Variants in CAMK1G observed in about 807,000 individuals in gnomAD.
The protein encoded by CAMK1G is calcium/calmodulin-dependent protein kinase type 1G.
Under a neutral mutation model 54.8 loss-of-function variants are expected in CAMK1G, and 27 were observed. The observed-to-expected ratio is 0.49, with a 90% CI of 0.36 to 0.68. The LOEUF (loss-of-function observed/expected upper bound fraction) is 0.68. Ranked by LOEUF, CAMK1G falls within the 30% of genes least tolerant of loss-of-function variation. The pLI is 0.00. For missense variants in CAMK1G, 512 were observed against 591.0 expected, an observed-to-expected ratio of 0.87 and a Z score of 1.39; for synonymous variants, 238 against 224.9, an observed-to-expected ratio of 1.06 and a Z score of -0.52.
rs74157986 is a variant in CAMK1G at position 209,591,696 on chromosome 1, A to C, written c.-29-3259A>C. Among the ~76,000 whole-genome samples, 894 of 152,278 alleles carry C rather than the reference A, an allele frequency of 5.9e-3. 11 individuals carry two copies. Among genetic ancestry groups the C allele is most frequent in the African/African-American group, 0.019 (775 of 41,548 alleles). On this transcript the variant is annotated intron_variant, in intron 1 of 12. Coordinates refer to ENST00000361322, the MANE Select transcript of CAMK1G (RefSeq NM_020439.3). The stretch of plus-strand genomic sequence containing the variant: ...CTAAACCTTGTTGTCATATGGGAGA[A>C]GGGGGCCTCAGACTTCTTAGACTTA...
At chr1:209,596,318 G>GT (rs1665381598) in intron 2 of CAMK1G, among the ~76,000 whole-genome samples, 1 of 152,218 alleles carries the variant, frequency 6.6e-6, no homozygotes, top group Non-Finnish European at 1.5e-5. Context: ...AGCCTCATGA[G>GT]TAAGTCAGAA....
At chr1:209,585,432 A>G (rs1665071751) in intron 1 of CAMK1G, among the ~76,000 whole-genome samples, 1 of 152,232 alleles carries the variant, frequency 6.6e-6, no homozygotes, top group Non-Finnish European at 1.5e-5. Context: ...GAAAGAGGCA[A>G]CAGGTTATGT....
At chr1:209,612,679 G>A (rs1206846810) in intron 11 of CAMK1G, 106 bp from the exon 12 acceptor site, 5 of 863,016 alleles carry the variant, frequency 5.8e-6, no homozygotes, top group African/African-American at 3.3e-5. Flanking sequence ...CATGAGGGGA[G>A]AGCTGAGTGG....
At chr1:209,610,724 T>C (rs1665760358) in intron 9 of CAMK1G, among the ~76,000 whole-genome samples, 1 of 152,202 alleles carries the variant, frequency 6.6e-6, no homozygotes, top group African/African-American at 2.4e-5. Flanking sequence ...GTTCTCTTTA[T>C]TAATCACACG....
intron 1 of CAMK1G, among the ~76,000 whole-genome samples, chr1:209,585,497 A>G (rs139448697): frequency 1.3e-5 from 2 of 152,310 alleles, no homozygotes; most frequent in South Asian, 2.1e-4. Context: ...ATCATTCACT[A>G]TCTGTTTGAT....
chr1:209,612,012 G>A lies in CAMK1G; in HGVS notation c.1136G>A (p.Arg379His), dbSNP rs375273380. Residue 379 changes from arginine (R) to histidine (H), a missense_variant, in exon 11 of 13, where the codon CGC (arginine) becomes CAC (histidine). Around this residue, in one of 3 missense-constraint regions of CAMK1G, gnomAD observed 315 missense variants for 330.5 expected, o/e 0.95. Coordinates refer to ENST00000361322, the MANE Select transcript of CAMK1G (RefSeq NM_020439.3). ...ACCCAATTACCCTGCCAGCATGGCC[G>A]CCGGCCCACTGCCCCTGGTGGCAGG... is the stretch of plus-strand genomic sequence containing the variant. ...ALTQLPCQHG[R>H]RPTAPGGRSL... 3.7e-5 allele frequency: 59 copies of A among 1,614,118 alleles called. No homozygotes were observed. Among genetic ancestry groups the A allele is most frequent in the African/African-American group, 3.2e-4 (24 of 74,948 alleles).
chr1:209,611,608 C>A, intron 10 of CAMK1G, 56 bp downstream of exon 10: 4 of 1,534,496 alleles, frequency 2.6e-6, no homozygotes, highest in Non-Finnish European at 2.7e-6. Context: ...GGAGGCTGGG[C>A]TGGCAGGGGC....
At position 209,607,816 on chromosome 1, in the gene CAMK1G, C is replaced by G. The variant is rs547509744; in HGVS notation, c.560-42C>G. ...TTCAGCTCCCACCCCAAAGCCCTCT[C>G]CTCTTGCCACCAGCCCTGACTCTGC... On this transcript the variant is annotated intron_variant, in intron 6 of 12. Transcript: ENST00000361322. 3.2e-6 allele frequency: 5 copies of G among 1,578,088 alleles called. 1 individual carries two copies. The highest frequency in any genetic ancestry group is 2.3e-5 in the South Asian group (2 of 87,430).
rs763269724 is a variant in CAMK1G, at chr1:209,612,111, C to A, written c.1235C>A (p.Ala412Asp). The change falls in exon 11 of 13, where the codon GCC becomes GAC. Residue 412 changes from alanine (A) to aspartate (D), a missense_variant. Physicochemically the swap from Ala to Asp is moderately radical, Grantham distance 126. Coordinates refer to ENST00000361322, the MANE Select transcript of CAMK1G (RefSeq NM_020439.3). The stretch of plus-strand genomic sequence containing the variant: ...GTGCCCATGCATCAGGGGTCCCTGG[C>A]CGCCGGGCCCTGTGGCTGCTGCTCC... ...SLVPMHQGSL[A>D]AGPCGCCSSC... is the part of the protein sequence containing the mutation. 2.5e-6 allele frequency: 4 copies of A among 1,614,188 alleles called. No individual in the cohort carries two copies. The highest frequency in any genetic ancestry group is 2.2e-5 in the South Asian group (2 of 91,092).
intron 11 of CAMK1G, 81 bp downstream of exon 11, chr1:209,612,297 A>G: frequency 6.8e-7 from 1 of 1,462,892 alleles, no homozygotes; most frequent in Non-Finnish European, 9.4e-7. Flanking sequence ...AATGGACACA[A>G]AGGCCTCTCC....
At chr1:209,603,098 G>C (rs1665568341) in intron 3 of CAMK1G, 116 bp from the exon 4 acceptor site, 2 of 851,300 alleles carry the variant, frequency 2.3e-6, no homozygotes, top group Non-Finnish European at 1.9e-6. Flanking sequence ...CAGAGACCTA[G>C]TCTTCCTAAA....
chr1:209,602,435 A>C (rs1417012541), intron 3 of CAMK1G, among the ~76,000 whole-genome samples: 1 of 152,160 alleles, frequency 6.6e-6, no homozygotes, highest in East Asian at 1.9e-4. Context: ...ATTTTTCAAC[A>C]CTTCCTCCGT....
chr1:209,604,406 A>G (rs969717596), intron 4 of CAMK1G, among the ~76,000 whole-genome samples: 2 of 152,206 alleles, frequency 1.3e-5, no homozygotes, highest in Admixed American at 6.5e-5. Context: ...TCCTCAGAGC[A>G]TAGCTCCAGG....
intron 7 of CAMK1G, 41 bp downstream of exon 7, chr1:209,607,974 C>T (rs775855068): frequency 1.0e-5 from 15 of 1,507,230 alleles, no homozygotes; most frequent in East Asian, 9.0e-5. Flanking sequence ...TGAGAAGTCT[C>T]GGAGCCTGCT....
At chr1:209,605,775 T>C in intron 5 of CAMK1G, 101 bp downstream of exon 5, 1 of 1,219,060 alleles carries the variant, frequency 8.2e-7, no homozygotes, top group Middle Eastern at 2.8e-4. Flanking sequence ...AGGGTTGGAC[T>C]AGTGACTCCC....
At chr1:209,611,420 G>A (rs769459222) in intron 9 of CAMK1G, 45 bp from the exon 10 acceptor site, 6 of 1,591,692 alleles carry the variant, frequency 3.8e-6, no homozygotes, top group South Asian at 1.1e-5. Context: ...CTGGATGAGT[G>A]TAAATAGCCA....
intron 6 of CAMK1G, among the ~76,000 whole-genome samples, chr1:209,607,607 A>G (rs1665679802): frequency 6.6e-6 from 1 of 152,198 alleles, no homozygotes; most frequent in Non-Finnish European, 1.5e-5. Context: ...TCCCCAGTCC[A>G]ACAGGTGAGT....
At chr1:209,600,606 C>A (rs572736167) in intron 3 of CAMK1G, among the ~76,000 whole-genome samples, 2 of 152,322 alleles carry the variant, frequency 1.3e-5, no homozygotes, top group South Asian at 4.1e-4. Flanking sequence ...CACATGAACA[C>A]AGGATCAGAA....
At chr1:209,596,016 C>A (rs568037915) in intron 2 of CAMK1G, among the ~76,000 whole-genome samples, 1 of 152,328 alleles carries the variant, frequency 6.6e-6, no homozygotes, top group African/African-American at 2.4e-5. Flanking sequence ...TGGGCCTGGG[C>A]AGTGAAGAGC....
Sources: allele counts gnomAD v4.1 joint callset (sites outside exome capture counted in the v4.1 genomes callset), GRCh38; gene constraint gnomAD v4.1.1; regional missense constraint gnomAD v4.1.1; transcripts MANE v1.5; gene names NCBI Gene and HGNC (gene_info 2026-07-23, HGNC 2026-07-21).